SOD2: variants seen among roughly 807,000 people sequenced by gnomAD.
The protein encoded by SOD2 is superoxide dismutase [Mn], mitochondrial.
In SOD2, 11 loss-of-function variants were observed where a neutral mutation model predicts 27.0. The ratio of observed to expected loss-of-function variants is 0.41; its 90% CI spans 0.26 to 0.67. SOD2 has a LOEUF of 0.67. Among genes scored for constraint, SOD2 ranks in the 30% least tolerant of loss-of-function variants. The probability of loss-of-function intolerance (pLI) is 0.34; values close to 1 mark genes in which losing one functional copy is unlikely to be tolerated. For missense variants in SOD2, 250 were observed against 274.5 expected (o/e 0.91, Z 0.63); for synonymous variants, 105 against 103.0 (o/e 1.02, Z -0.12).
At chr6:159,750,847 G>A (rs1459852800) in intron 1 of SOD2, among the ~76,000 whole-genome samples, 2 of 11,284 alleles carry the variant, frequency 1.8e-4, no homozygotes, top group East Asian at 1.1e-3. Context: ...AGGCAATCCC[G>A]TCTGGAATAT....
chr6:159,732,812 C>T (rs144125200), intron 1 of SOD2, among the ~76,000 whole-genome samples: 4 of 151,456 alleles, frequency 2.6e-5, no homozygotes, highest in East Asian at 1.9e-4. Flanking sequence ...CAACAGAGAC[C>T]GGGCGCAGGG....
chr6:159,670,515 T>C lies in SOD2; in HGVS notation c.*11978A>G, dbSNP rs919983133. On this transcript the variant is annotated 3_prime_UTR_variant, in exon 5 of 5. Transcript: ENST00000538183. ...GTTTAAAGGATATAAGTTGTGTGCC[T>C]TCTGTAAATGACGATTTAATAATAT... is the stretch of plus-strand genomic sequence containing the variant. The C allele has an allele frequency of 2.6e-5, 4 of 152,254 alleles. No individual in the cohort carries two copies. The highest frequency in any genetic ancestry group is 9.6e-5 in the African/African-American group (4 of 41,454). 9.4% of individuals were successfully genotyped at this position (152,254 alleles called of 1,614,324 possible).
rs1191159052 is a variant in SOD2, at chr6:159,677,153, A to G, written c.*5340T>C. On this transcript the variant is annotated 3_prime_UTR_variant, in exon 5 of 5. Transcript: ENST00000538183. ...CCTGGGACTTCATGGAGCACAAATTATAGTGGGCAGAGAGGCAAACTTGGA... is the reference window on the plus strand; with the variant it reads ...CCTGGGACTTCATGGAGCACAAATTGTAGTGGGCAGAGAGGCAAACTTGGA... The G allele has an allele frequency of 3.3e-5, 5 of 152,206 alleles. No individual in the cohort carries two copies. Among genetic ancestry groups the G allele is most frequent in the Non-Finnish European group, 1.5e-5 (1 of 68,040 alleles). The allele number at this position is 152,206 out of a possible 1,614,324, so 9.4% of individuals were successfully genotyped here.
At chr6:159,734,504 A>G (rs1778786027) in intron 1 of SOD2, among the ~76,000 whole-genome samples, 1 of 152,180 alleles carries the variant, frequency 6.6e-6, no homozygotes. Flanking sequence ...AAGATTCATG[A>G]GTATACTATT....
intron 1 of SOD2, among the ~76,000 whole-genome samples, chr6:159,698,317 C>T (rs1314623612): frequency 1.3e-5 from 2 of 149,868 alleles, no homozygotes; most frequent in African/African-American, 2.5e-5. Flanking sequence ...AAAAAAAACA[C>T]TTGAACCCAG....
chr6:159,721,377 T>C (rs1300222741), intron 1 of SOD2, among the ~76,000 whole-genome samples: 1 of 150,388 alleles, frequency 6.6e-6, no homozygotes, highest in Non-Finnish European at 1.5e-5. Flanking sequence ...GTTTTATTTA[T>C]TTATTTTTGA....
intron 1 of SOD2, chr6:159,726,693 C>G: frequency 8.8e-7 from 1 of 1,142,122 alleles, no homozygotes; most frequent in Non-Finnish European, 1.1e-6. Context: ...GCAAGGGGCC[C>G]TCAACGCCGC....
At chr6:159,705,440 C>G (rs550552720) in intron 1 of SOD2, among the ~76,000 whole-genome samples, 6 of 152,310 alleles carry the variant, frequency 3.9e-5, no homozygotes, top group East Asian at 1.9e-4. Flanking sequence ...CCTGATGGAG[C>G]TGAAAACCAT....
At position 159,672,734 on chromosome 6, in the gene SOD2, A is replaced by T. The variant is rs1423685825; in HGVS notation, c.*9759T>A. 2.0e-5 allele frequency: 3 copies of T among 152,192 alleles called. No individual in the cohort carries two copies. The East Asian group carries it at 5.8e-4, about 29-fold the overall frequency. 9.4% of individuals were successfully genotyped at this position (152,192 alleles called of 1,614,324 possible). On this transcript the variant is annotated 3_prime_UTR_variant, in exon 5 of 5. Coordinates refer to ENST00000538183, the MANE Select transcript of SOD2 (RefSeq NM_000636.4). ...ATCCTAGTGACAGGATCAAATTCACACATAACAATATTAACCTTAAATGTA... is the reference window on the plus strand; with the variant it reads ...ATCCTAGTGACAGGATCAAATTCACTCATAACAATATTAACCTTAAATGTA...
chr6:159,698,767 A>G (rs1171087558), intron 1 of SOD2, among the ~76,000 whole-genome samples: 1 of 152,018 alleles, frequency 6.6e-6, no homozygotes, highest in East Asian at 1.9e-4. Flanking sequence ...TTTTTTATGA[A>G]TATTGTGTTC....
At chr6:159,693,095 C>T (rs1395675718) in intron 1 of SOD2, 50 bp downstream of exon 1, 5 of 1,517,770 alleles carry the variant, frequency 3.3e-6, no homozygotes, top group South Asian at 1.2e-5. Context: ...CCCTGCCCGC[C>T]GCGAGCCCCT....
chr6:159,745,272 G>C (rs1260207188), upstream of SOD2: 1 of 152,182 alleles, frequency 6.6e-6, no homozygotes, highest in Non-Finnish European at 1.5e-5. Context: ...ACATCACAAT[G>C]TTTGTGCTAT....
At chr6:159,700,222 G>A (rs1041737199) in intron 1 of SOD2, among the ~76,000 whole-genome samples, 3 of 152,098 alleles carry the variant, frequency 2.0e-5, no homozygotes, top group African/African-American at 7.2e-5. Context: ...GGATCAGATT[G>A]GTTTCCAGGT....
chr6:159,722,131 G>C (rs559189879), intron 1 of SOD2, among the ~76,000 whole-genome samples: 64 of 151,708 alleles, frequency 4.2e-4, no homozygotes, highest in African/African-American at 1.5e-3. Flanking sequence ...TACTCCCAGC[G>C]CTTTGGGAGG....
At chr6:159,693,615 G>A (rs1056051746), upstream of SOD2, among the ~76,000 whole-genome samples, 1 of 152,176 alleles carries the variant, frequency 6.6e-6, no homozygotes, top group Non-Finnish European at 1.5e-5. Flanking sequence ...GGCTGCACTA[G>A]GCGGCTGCGG....
chr6:159,717,069 C>T (rs1035594904), intron 1 of SOD2, among the ~76,000 whole-genome samples: 2 of 152,168 alleles, frequency 1.3e-5, no homozygotes, highest in East Asian at 1.9e-4. Context: ...GAAAGAATTA[C>T]AGGGATCAGG....
intron 1 of SOD2, among the ~76,000 whole-genome samples, chr6:159,758,068 A>T (rs997955705): frequency 6.6e-6 from 1 of 152,154 alleles, no homozygotes; most frequent in Non-Finnish European, 1.5e-5. Context: ...CATTTCTGGA[A>T]TTGGATGCTT....
upstream of SOD2, among the ~76,000 whole-genome samples, chr6:159,728,753 GC>G (rs1562448850): frequency 6.6e-6 from 1 of 152,246 alleles, no homozygotes; most frequent in Non-Finnish European, 1.5e-5. Context: ...AGTCCGCAAA[GC>G]TGGCTTGTGA....
chr6:159,734,508 T>C (rs1406914232), intron 1 of SOD2, among the ~76,000 whole-genome samples: 1 of 152,134 alleles, frequency 6.6e-6, no homozygotes, highest in Non-Finnish European at 1.5e-5. Flanking sequence ...TTCATGAGTA[T>C]ACTATTAGAA....
Sources: allele counts gnomAD v4.1 joint callset (sites outside exome capture counted in the v4.1 genomes callset), GRCh38; gene constraint gnomAD v4.1.1; transcripts MANE v1.5; gene names NCBI Gene and HGNC (gene_info 2026-07-23, HGNC 2026-07-21).